GPC3: variants seen among roughly 807,000 people sequenced by gnomAD.
GPC3 encodes the protein glypican-3.
In GPC3, 3 loss-of-function variants were observed where a neutral mutation model predicts 34.4. That is an observed-to-expected ratio of 0.09 (90% CI 0.04 to 0.23). GPC3 has a LOEUF of 0.23. Among genes scored for constraint, GPC3 ranks in the 10% least tolerant of loss-of-function variants. GPC3 has a pLI of 1.00. For synonymous variants in GPC3, 177 were observed against 174.0 expected (o/e 1.02, Z -0.13); for missense variants, 351 against 445.6 (o/e 0.79, Z 1.91).
chrX:133,669,426 C>T (rs1192608364), intron 5 of GPC3, among the ~76,000 whole-genome samples: 1 of 112,042 alleles, frequency 8.9e-6, no homozygotes, highest in South Asian at 3.7e-4. Flanking sequence ...GGAAGTCAAT[C>T]GATGAAGGGT....
At chrX:133,769,742 G>A (rs1159435311) in intron 2 of GPC3, among the ~76,000 whole-genome samples, 2 of 112,025 alleles carry the variant, frequency 1.8e-5, no homozygotes, top group Non-Finnish European at 3.8e-5. Flanking sequence ...ACTATCTGAA[G>A]AGCCTAAAAG....
chrX:133,649,764 C>T (rs1235037503), intron 6 of GPC3, among the ~76,000 whole-genome samples: 1 of 111,439 alleles, frequency 9.0e-6, no homozygotes, highest in African/African-American at 3.3e-5. Context: ...GATTCCTTCC[C>T]CATTTTCCAT....
chrX:133,639,266 C>A (rs371663653), intron 6 of GPC3, among the ~76,000 whole-genome samples: 1 of 112,140 alleles, frequency 8.9e-6, no homozygotes, highest in East Asian at 2.8e-4. Context: ...ATCATTTCAT[C>A]TGTGCTCACA....
At chrX:133,733,598 A>G (rs192320193) in intron 3 of GPC3, among the ~76,000 whole-genome samples, 218 of 111,483 alleles carry the variant, frequency 2.0e-3, no homozygotes, top group African/African-American at 6.7e-3. Context: ...GACAAAATCA[A>G]AAGTTGGTTC....
intron 7 of GPC3, among the ~76,000 whole-genome samples, chrX:133,591,528 T>C (rs945633372): frequency 7.2e-5 from 8 of 111,510 alleles, no homozygotes; most frequent in Non-Finnish European, 1.5e-4. Flanking sequence ...GTGTAATGTA[T>C]TGGGGGCTAG....
chrX:133,655,880 A>G (rs980990356), intron 6 of GPC3, among the ~76,000 whole-genome samples: 1 of 112,187 alleles, frequency 8.9e-6, no homozygotes, highest in Non-Finnish European at 1.9e-5. Flanking sequence ...CAGCTTTACT[A>G]ATTAACTTAT....
chrX:133,759,219 T>C (rs2071761242), intron 2 of GPC3, among the ~76,000 whole-genome samples: 3 of 112,158 alleles, frequency 2.7e-5, no homozygotes, highest in Non-Finnish European at 5.6e-5. Context: ...ATAAATTCAA[T>C]GAATCCCAAT....
At chrX:133,720,117 AC>A (rs2071348766) in intron 3 of GPC3, among the ~76,000 whole-genome samples, 1 of 112,119 alleles carries the variant, frequency 8.9e-6, no homozygotes, top group Non-Finnish European at 1.9e-5. Flanking sequence ...GGGAATGTAA[AC>A]TAGTACAGCC....
At position 133,633,937 on chromosome X, in the gene GPC3, G is replaced by A. The variant is rs548028472; in HGVS notation, c.1413+27793C>T. Among the ~76,000 whole-genome samples the A allele has an allele frequency of 2.7e-5, 3 of 111,731 alleles. No individual in the cohort carries two copies. In the South Asian group the frequency reaches 1.1e-3, roughly 41 times the overall value. Reference sequence around the variant, plus strand: ...AGACTGATGAATACTTAGGAGGGGAGAATGCAAAAAATCTCCTGGCATAGT... The same window carrying A: ...AGACTGATGAATACTTAGGAGGGGAAAATGCAAAAAATCTCCTGGCATAGT... On this transcript the variant is annotated intron_variant, in intron 6 of 7. Coordinates refer to ENST00000370818, the MANE Select transcript of GPC3 (RefSeq NM_004484.4).
chrX:133,582,371 C>T (rs1312899916), intron 7 of GPC3, among the ~76,000 whole-genome samples: 1 of 111,759 alleles, frequency 8.9e-6, no homozygotes, highest in Non-Finnish European at 1.9e-5. Context: ...ACACCACTGC[C>T]CTCACTCTAT....
At chrX:133,704,275 T>C in intron 3 of GPC3, 3 of 1,049,436 alleles carry the variant, frequency 2.9e-6, no homozygotes, top group Non-Finnish European at 3.8e-6. Flanking sequence ...CTCAGTTTCC[T>C]TGAAAAAAAA....
Position 133,703,248 on chromosome X carries a change from T to C in GPC3, c.1033-3220A>G, listed in dbSNP as rs139387404. Among the ~76,000 whole-genome samples, 367 of 111,472 alleles carry C rather than the reference T, an allele frequency of 3.3e-3. 2 individuals are homozygous for C. Among genetic ancestry groups the C allele is most frequent in the Non-Finnish European group, 6.0e-3 (321 of 53,063 alleles). On this transcript the variant is annotated intron_variant, in intron 3 of 7. Coordinates refer to ENST00000370818, the MANE Select transcript of GPC3 (RefSeq NM_004484.4). ...GTCAAGGATGCTGCTACCTTTAAATTTGGTTAGTTGGAGGGAATTTATTGG... is the reference window on the plus strand; with the variant it reads ...GTCAAGGATGCTGCTACCTTTAAATCTGGTTAGTTGGAGGGAATTTATTGG...
chrX:133,684,695 G>A (rs1277321094), intron 5 of GPC3, among the ~76,000 whole-genome samples: 1 of 110,384 alleles, frequency 9.1e-6, no homozygotes, highest in Non-Finnish European at 1.9e-5. Context: ...GGGCACTTTG[G>A]AGAAAAGCCA....
chrX:133,738,315 C>T (rs976840011), intron 3 of GPC3, among the ~76,000 whole-genome samples: 2 of 111,715 alleles, frequency 1.8e-5, no homozygotes, highest in African/African-American at 6.5e-5. Flanking sequence ...CCTTCACTCC[C>T]ACTGTCATTG....
At chrX:133,897,152 C>T (rs1250145125) in intron 2 of GPC3, among the ~76,000 whole-genome samples, 2 of 108,142 alleles carry the variant, frequency 1.8e-5, no homozygotes, top group African/African-American at 6.7e-5. Flanking sequence ...ATGATCCGCC[C>T]ACCTTGGCCT....
rs1350030697 is a variant in GPC3, at chrX:133,914,891, A to C, written c.337+38159T>G. On this transcript the variant is annotated intron_variant, in intron 2 of 7. Coordinates refer to ENST00000370818, the MANE Select transcript of GPC3 (RefSeq NM_004484.4). ...TCTTAGCCCACCATGCCAAAAAAAA[A>C]AACAACCAGATAATGCAGCATAGAT... Among the ~76,000 whole-genome samples, 81 of 100,483 alleles carry C rather than the reference A, an allele frequency of 8.1e-4. 1 individual carries two copies. The highest frequency in any genetic ancestry group is 5.1e-3 in the Middle Eastern group (1 of 195). 87.3% of individuals were successfully genotyped at this position (100,483 alleles called of 115,157 possible). A position where few individuals can be genotyped will look rare whatever the true frequency, so the allele number is the denominator to read the frequency against.
intron 2 of GPC3, among the ~76,000 whole-genome samples, chrX:133,771,397 G>A (rs1212213727): frequency 8.9e-6 from 1 of 112,349 alleles, no homozygotes; most frequent in Non-Finnish European, 1.9e-5. Flanking sequence ...GTTGCTTAGC[G>A]CTTTCCTTAA....
chrX:133,588,375 T>TA (rs1276286721), intron 7 of GPC3, among the ~76,000 whole-genome samples: 2 of 110,968 alleles, frequency 1.8e-5, no homozygotes, highest in Non-Finnish European at 3.8e-5. Context: ...CTTTCCCATT[T>TA]AAAAAAACAA....
At chrX:133,847,921 A>T (rs935627617) in intron 2 of GPC3, among the ~76,000 whole-genome samples, 5 of 112,409 alleles carry the variant, frequency 4.4e-5, no homozygotes, top group Admixed American at 9.4e-5. Flanking sequence ...ACAAAAGAAC[A>T]GCTATTTGCA....
Sources: gnomAD v4.1 joint callset for allele counts (sites outside exome capture counted in the v4.1 genomes callset) on GRCh38, gnomAD v4.1.1 for gene constraint, MANE v1.5 for transcripts, NCBI Gene and HGNC (gene_info 2026-07-23, HGNC 2026-07-21) for gene names.